The following HABP2 variants were observed in gnomAD, a reference collection of about 807,000 sequenced individuals.
The protein encoded by HABP2 is hyaluronan binding protein 2.
In HABP2, 65 loss-of-function variants were observed where a neutral mutation model predicts 66.5. The ratio of observed to expected loss-of-function variants is 0.98; its 90% confidence interval spans 0.80 to 1.20. The LOEUF (loss-of-function observed/expected upper bound fraction) is 1.20. HABP2 is among the 50% of genes most tolerant of loss of function. The pLI, the probability that HABP2 is intolerant of heterozygous loss-of-function variation, is 0.00. For missense variants in HABP2, 786 were observed against 691.0 expected (o/e 1.14, Z -1.54); for synonymous variants, 263 against 253.9 (o/e 1.04, Z -0.34).
intron 12 of HABP2, among the ~76,000 whole-genome samples, chr10:113,587,991 G>A (rs1845687577): frequency 6.6e-6 from 1 of 152,180 alleles, no homozygotes; most frequent in South Asian, 2.1e-4. Context: ...AGCCCGCGTG[G>A]ACTCAGGGAC....
chr10:113,560,330 A>G (rs1258193764), intron 1 of HABP2, among the ~76,000 whole-genome samples: 12 of 152,234 alleles, frequency 7.9e-5, no homozygotes, highest in Admixed American at 7.9e-4. Flanking sequence ...CTCACTTCAT[A>G]CCTATTAGGA....
chr10:113,570,936 A>G (rs1477807625), intron 2 of HABP2, among the ~76,000 whole-genome samples: 1 of 152,206 alleles, frequency 6.6e-6, no homozygotes, highest in Admixed American at 6.5e-5. Flanking sequence ...AGATAGACCA[A>G]ATACCCAAGA....
intron 3 of HABP2, 60 bp from the exon 4 acceptor site, chr10:113,575,837 A>G (rs1845398242): frequency 2.2e-6 from 2 of 896,292 alleles, no homozygotes; most frequent in African/African-American, 1.7e-5. Context: ...AAAAATTTGG[A>G]GGGGGGCGCT....
upstream of HABP2, chr10:113,551,048 C>CCAGTTTTTCCTTTCACATT (rs1396303310): frequency 6.6e-6 from 1 of 152,210 alleles, no homozygotes; most frequent in Non-Finnish European, 1.5e-5. Context: ...TTTTCCACAT[C>CCAGTTTTTCCTTTCACATT]CAGTTTTTCC....
rs566077966 is a variant in HABP2 at position 113,589,514 on chromosome 10, C to A, written c.*1145C>A. 13 of 840,404 alleles carry A rather than the reference C, an allele frequency of 1.5e-5. 1 individual carries two copies. Among genetic ancestry groups the A allele is most frequent in the South Asian group, 1.4e-4 (8 of 57,906 alleles). 52.1% of individuals were successfully genotyped at this position (840,404 alleles called of 1,614,324 possible). A position where few individuals can be genotyped will look rare whatever the true frequency, so the allele number is the denominator to read the frequency against. On this transcript the variant is annotated 3_prime_UTR_variant, in exon 13 of 13. Coordinates refer to ENST00000351270, the MANE Select transcript of HABP2 (RefSeq NM_004132.5). Reference sequence around the variant, plus strand: ...GTGTCATCTGCCTGGTCATCTCAGACCCATGAAATTAGGCGCCTTGTTTGA... The same window carrying A: ...GTGTCATCTGCCTGGTCATCTCAGAACCATGAAATTAGGCGCCTTGTTTGA...
At chr10:113,570,755 T>C (rs1368386526) in intron 2 of HABP2, among the ~76,000 whole-genome samples, 2 of 152,248 alleles carry the variant, frequency 1.3e-5, no homozygotes, top group East Asian at 1.9e-4. Flanking sequence ...CAAAGCTGCA[T>C]GCAGGCCAAT....
chr10:113,551,910 G>C (rs1020888335), upstream of HABP2, among the ~76,000 whole-genome samples: 15 of 151,988 alleles, frequency 9.9e-5, no homozygotes, highest in African/African-American at 2.9e-4. Flanking sequence ...GGGGTGGGGG[G>C]AGTTGATGGC....
In HABP2 at chr10:113,580,729, G is replaced by T. The variant is rs758445823; in HGVS notation, c.838+37G>T. ...GGCTGTTCAGAAGCCCAGGGGGTGG[G>T]GGGGATGGAGATTTGTAGGGAGATG... is the stretch of plus-strand genomic sequence containing the variant. On this transcript the variant is annotated intron_variant, in intron 8 of 12. Transcript: ENST00000351270. 4 of 1,079,652 alleles carry T rather than the reference G, an allele frequency of 3.7e-6. No individual in the cohort carries two copies. In the South Asian group the frequency reaches 5.0e-5, roughly 14 times the overall value. The allele number at this position is 1,079,652 out of a possible 1,614,324, so 66.9% of individuals were successfully genotyped here. A position where few individuals can be genotyped will look rare whatever the true frequency, so the allele number is the denominator to read the frequency against.
chr10:113,572,939 C>A (rs1469541861), intron 2 of HABP2, among the ~76,000 whole-genome samples: 1 of 152,100 alleles, frequency 6.6e-6, no homozygotes, highest in Non-Finnish European at 1.5e-5. Context: ...GTCGATTTTT[C>A]AAAAGCCAGA....
At chr10:113,564,585 C>A (rs1845162020) in intron 1 of HABP2, among the ~76,000 whole-genome samples, 1 of 152,122 alleles carries the variant, frequency 6.6e-6, no homozygotes, top group Non-Finnish European at 1.5e-5. Flanking sequence ...AGGCACAGTC[C>A]CCGATAACAA....
At chr10:113,554,106 G>A (rs930198678) in intron 1 of HABP2, among the ~76,000 whole-genome samples, 1 of 135,354 alleles carries the variant, frequency 7.4e-6, no homozygotes, top group Non-Finnish European at 1.6e-5. Flanking sequence ...CAAATCAAGT[G>A]CTAACCTCTC....
rs1464668300 is a variant in HABP2, at chr10:113,578,105, T to G, written c.528T>G (p.Cys176Trp). The change falls in exon 6 of 13, where the codon TGT (cysteine) becomes TGG (tryptophan). Residue 176 changes from cysteine (C) to tryptophan (W), a missense_variant. Physicochemically the swap from Cys to Trp is radical, Grantham distance 215. Transcript: ENST00000351270. Reference protein sequence around the residue: ...SRHKRRSKFTCACPDQFKGKF... With the variant: ...SRHKRRSKFTWACPDQFKGKF... ...ATAAGCGGAGATCCAAGTTCACCTG[T>G]GCCTGTCCCGACCAGTTCAAGGGGA... 1 of 1,614,192 alleles carries G rather than the reference T, an allele frequency of 6.2e-7. No individual in the cohort carries two copies. The highest frequency in any genetic ancestry group is 1.7e-5 in the Admixed American group (1 of 60,022).
Position 113,585,927 on chromosome 10 carries a change from GA to G in HABP2, c.1508del (p.Asp503AlafsTer11). 1 of 1,613,966 alleles carries G rather than the reference GA, an allele frequency of 6.2e-7. No homozygotes were observed. The highest frequency in any genetic ancestry group is 1.1e-5 in the South Asian group (1 of 91,072). On this transcript the variant is annotated frameshift_variant, in exon 12 of 13. Coordinates refer to ENST00000351270, the MANE Select transcript of HABP2 (RefSeq NM_004132.5). LOFTEE classifies it high-confidence loss of function. Reference sequence around the variant, plus strand: ...AGGAAATCTTCAGAAACCTGGGCAAGACACCTGCCAGGTCAGAGACTCCAAG... The same window carrying G: ...AGGAAATCTTCAGAAACCTGGGCAAGCACCTGCCAGGTCAGAGACTCCAAG... The part of the protein sequence containing the change: ...CAGNLQKPGQ[D>X]TCQGDSGGPL...
In HABP2 at chr10:113,589,041, ACT is replaced by A; in HGVS notation, c.*675_*676del. On this transcript the variant is annotated 3_prime_UTR_variant, in exon 13 of 13. Transcript: ENST00000351270. ...CAGTGGCATCTGGGTTCACCTCCCC[ACT>A]CTGATGATCTCCAGCCTCCACTGCT... is the stretch of plus-strand genomic sequence containing the variant. 1 of 1,613,390 alleles carries A rather than the reference ACT, an allele frequency of 6.2e-7. No homozygotes were observed. The highest frequency in any genetic ancestry group is 2.2e-5 in the East Asian group (1 of 44,840).
chr10:113,559,442 GGCACAGAGAGACTCAACAAATT>G (rs758014018), intron 1 of HABP2, among the ~76,000 whole-genome samples: 34 of 152,336 alleles, frequency 2.2e-4, no homozygotes, highest in Non-Finnish European at 4.0e-4. Context: ...GGGAAACTGA[GGCACAGAGAGACTCAACAAATT>G]GCACAGGAGC....
intron 1 of HABP2, among the ~76,000 whole-genome samples, chr10:113,559,029 A>C (rs1353047790): frequency 1.3e-5 from 2 of 151,968 alleles, no homozygotes; most frequent in East Asian, 3.9e-4. Flanking sequence ...TAATTTTTGT[A>C]TTCTTAGCAG....
intron 7 of HABP2, 134 bp from the exon 8 acceptor site, chr10:113,580,461 C>A: frequency 1.6e-6 from 1 of 632,112 alleles, no homozygotes; most frequent in African/African-American, 1.8e-5. Context: ...GTTTTGTAAC[C>A]TGATGGAGGA....
rs1456008715 is a variant in HABP2 at position 113,577,654 on chromosome 10, C to A, written c.449-372C>A. ...AAGGAGGAGCTTTACAGATGAAGAA[C>A]CTGAAATGTAGACAGATTAACTCAT... On this transcript the variant is annotated intron_variant, in intron 5 of 12. Transcript: ENST00000351270. Among the ~76,000 whole-genome samples the A allele has an allele frequency of 1.3e-5, 2 of 152,308 alleles. 1 individual carries two copies. Among genetic ancestry groups the A allele is most frequent in the East Asian group, 3.9e-4 (2 of 5,186 alleles).
chr10:113,556,954 T>A (rs1288354448), intron 1 of HABP2, among the ~76,000 whole-genome samples: 1 of 151,982 alleles, frequency 6.6e-6, no homozygotes, highest in African/African-American at 2.4e-5. Context: ...CCCCATACTA[T>A]CTAGAACTCT....
Sources: gnomAD v4.1 joint callset for allele counts (sites outside exome capture counted in the v4.1 genomes callset) on GRCh38, gnomAD v4.1.1 for gene constraint, MANE v1.5 for transcripts, NCBI Gene and HGNC (gene_info 2026-07-23, HGNC 2026-07-21) for gene names.